STK3: variants seen among roughly 807,000 people sequenced by gnomAD.
STK3 encodes the protein serine/threonine-protein kinase 3.
A neutral mutation model predicts 58.0 loss-of-function variants in STK3; 41 were observed. That is an observed-to-expected ratio of 0.71 (90% CI 0.55 to 0.92). STK3 has a LOEUF of 0.92. Among genes scored for constraint, STK3 ranks in the 40% least tolerant of loss-of-function variants. STK3 has a pLI of 0.00. For synonymous variants in STK3, 170 were observed against 191.0 expected (o/e 0.89, Z 0.91); for missense variants, 479 against 602.7 (o/e 0.79, Z 2.15).
At chr8:98,813,699 T>C (rs2131690354) in intron 1 of STK3, among the ~76,000 whole-genome samples, 1 of 152,342 alleles carries the variant, frequency 6.6e-6, no homozygotes, top group Middle Eastern at 3.4e-3. Context: ...AGTGATATGA[T>C]TTCTTTACAT....
intron 6 of STK3, among the ~76,000 whole-genome samples, chr8:98,649,594 T>C (rs1369291635): frequency 6.6e-6 from 1 of 152,232 alleles, no homozygotes; most frequent in African/African-American, 2.4e-5. Context: ...ACATTTATCA[T>C]ATTAAATTCC....
At chr8:98,734,581 T>C (rs1469231500) in intron 4 of STK3, among the ~76,000 whole-genome samples, 1 of 152,234 alleles carries the variant, frequency 6.6e-6, no homozygotes, top group Admixed American at 6.5e-5. Context: ...TTTACAATTA[T>C]GTAAAGATCA....
Position 98,496,748 on chromosome 8 carries a change from A to G in STK3, c.1317+29994T>C, listed in dbSNP as rs183874134. 3.1e-3 allele frequency among the ~76,000 whole-genome samples: 466 copies of G among 152,278 alleles called. 1 individual carries two copies. The highest frequency in any genetic ancestry group is 0.024 in the Middle Eastern group (7 of 294). ...GATAATACTGTATTACTCCATTTATATGAGGTATCTAAAATGGTTAAATTC... is the reference window on the plus strand; with the variant it reads ...GATAATACTGTATTACTCCATTTATGTGAGGTATCTAAAATGGTTAAATTC... On this transcript the variant is annotated intron_variant, in intron 10 of 10. Coordinates refer to ENST00000419617, the MANE Select transcript of STK3 (RefSeq NM_006281.4).
At chr8:98,747,656 A>G (rs1218682791) in intron 4 of STK3, among the ~76,000 whole-genome samples, 1 of 152,194 alleles carries the variant, frequency 6.6e-6, no homozygotes, top group Non-Finnish European at 1.5e-5. Flanking sequence ...ATGTCCTTGC[A>G]CTAGAAAAGA....
intron 1 of STK3, among the ~76,000 whole-genome samples, chr8:98,806,271 CTG>C (rs1207789885): frequency 1.3e-5 from 2 of 152,140 alleles, no homozygotes; most frequent in African/African-American, 2.4e-5. Context: ...CTCAAAATGT[CTG>C]TGACTTAAAA....
intron 4 of STK3, among the ~76,000 whole-genome samples, chr8:98,744,308 G>A (rs1394289190): frequency 4.6e-5 from 7 of 151,912 alleles, no homozygotes; most frequent in Admixed American, 6.6e-5. Context: ...ACTATTCACA[G>A]TAGCAAAGAC....
Position 98,487,125 on chromosome 8 carries a change from G to A in STK3, c.1318-31125C>T, listed in dbSNP as rs935098417. On this transcript the variant is annotated intron_variant, in intron 10 of 10. Coordinates refer to ENST00000419617, the MANE Select transcript of STK3 (RefSeq NM_006281.4). ...GTGCATAAGGCCCAGTGGGGAATAT[G>A]AGAGAATATAATATGATATAGATTT... is the stretch of plus-strand genomic sequence containing the variant. Among the ~76,000 whole-genome samples the A allele has an allele frequency of 2.4e-4, 36 of 152,288 alleles. 1 individual carries two copies. The highest frequency in any genetic ancestry group is 2.1e-3 in the Admixed American group (32 of 15,300).
intron 1 of STK3, among the ~76,000 whole-genome samples, chr8:98,803,384 G>A (rs1833694759): frequency 6.6e-6 from 1 of 152,008 alleles, no homozygotes; most frequent in Admixed American, 6.5e-5. Context: ...GAGGTCAGGA[G>A]ATGGAGACCA....
chr8:98,476,377 TA>T (rs953210773), intron 10 of STK3, among the ~76,000 whole-genome samples: 9 of 152,198 alleles, frequency 5.9e-5, no homozygotes, highest in African/African-American at 2.2e-4. Flanking sequence ...TTATCAGGAC[TA>T]ATTAGAATTA....
At chr8:98,373,783 T>C (rs564663142) in intron 2 of STK3, among the ~76,000 whole-genome samples, 101 of 152,338 alleles carry the variant, frequency 6.6e-4, no homozygotes, top group African/African-American at 2.3e-3. Context: ...GTCATCCTTA[T>C]GACCACACAG....
intron 3 of STK3, among the ~76,000 whole-genome samples, chr8:98,394,791 G>C (rs1193669080): frequency 6.6e-6 from 1 of 152,186 alleles, no homozygotes; most frequent in East Asian, 1.9e-4. Flanking sequence ...AAAGAAGTCT[G>C]GTGCTTACTT....
chr8:98,529,625 A>ATTTGC (rs1472283585), intron 9 of STK3, among the ~76,000 whole-genome samples: 1 of 152,230 alleles, frequency 6.6e-6, no homozygotes. Context: ...CTGTAACCCC[A>ATTTGC]TGTCTATTGC....
intron 8 of STK3, among the ~76,000 whole-genome samples, chr8:98,555,547 T>C (rs1811524683): frequency 6.6e-6 from 1 of 152,124 alleles, no homozygotes; most frequent in South Asian, 2.1e-4. Flanking sequence ...GCACATGCAA[T>C]CACATAACAG....
chr8:98,413,671 C>T, intron 3 of STK3: 1 of 925,884 alleles, frequency 1.1e-6, no homozygotes, highest in Non-Finnish European at 1.8e-6. Flanking sequence ...TTGAGGAACT[C>T]TACAGTGTGC....
rs371529417 is a variant in STK3 at position 98,695,953 on chromosome 8, G to A, written c.684+10514C>T. ...GCATTGAATCTATAAATTACCTTGG[G>A]CAGTATGGCCATTTTCACGATATTG... On this transcript the variant is annotated intron_variant, in intron 6 of 10. Transcript: ENST00000419617. Among the ~76,000 whole-genome samples the A allele has an allele frequency of 1.0e-3, 154 of 152,126 alleles. 2 individuals are homozygous for A. The East Asian group carries it at 0.027, about 27-fold the overall frequency.
At position 98,658,957 on chromosome 8, in the gene STK3, T is replaced by C. The variant is rs368363237; in HGVS notation, c.684+47510A>G. 9.3e-4 allele frequency among the ~76,000 whole-genome samples: 142 copies of C among 152,222 alleles called. 1 individual carries two copies. The Middle Eastern group carries it at 0.01, about 11-fold the overall frequency. ...ATTAACAACTGCATTAACAACATTT[T>C]AGTCCTTTAGATATGCAAATACTTA... On this transcript the variant is annotated intron_variant, in intron 6 of 10. Coordinates refer to ENST00000419617, the MANE Select transcript of STK3 (RefSeq NM_006281.4).
At chr8:98,787,192 A>C (rs1163115324) in intron 1 of STK3, among the ~76,000 whole-genome samples, 1 of 149,848 alleles carries the variant, frequency 6.7e-6, no homozygotes, top group Admixed American at 6.6e-5. Flanking sequence ...AAAAAAAAAA[A>C]AACAAGAACT....
At chr8:98,684,982 T>C (rs1482304990) in intron 6 of STK3, among the ~76,000 whole-genome samples, 2 of 152,178 alleles carry the variant, frequency 1.3e-5, no homozygotes, top group Non-Finnish European at 2.9e-5. Flanking sequence ...TGTGTGTGTC[T>C]GTACACATGT....
At chr8:98,405,825 G>A (rs1209947296) in intron 3 of STK3, among the ~76,000 whole-genome samples, 1 of 152,098 alleles carries the variant, frequency 6.6e-6, no homozygotes, top group African/African-American at 2.4e-5. Context: ...CTTGTGCAGG[G>A]GAACTGCTCT....
Sources: allele counts gnomAD v4.1 joint callset (sites outside exome capture counted in the v4.1 genomes callset), GRCh38; gene constraint gnomAD v4.1.1; transcripts MANE v1.5; gene names NCBI Gene and HGNC (gene_info 2026-07-23, HGNC 2026-07-21).